Variants in JAKMIP2 observed in about 807,000 individuals in gnomAD.
JAKMIP2 encodes the protein janus kinase and microtubule-interacting protein 2.
Under a neutral mutation model 115.0 loss-of-function variants are expected in JAKMIP2, and 25 were observed. The observed-to-expected ratio is 0.22, with a 90% CI of 0.16 to 0.30. The LOEUF is 0.30. JAKMIP2 is among the 10% of genes least tolerant of loss of function. The pLI is 1.00. For missense variants in JAKMIP2, 642 were observed against 957.6 expected (o/e 0.67, Z 4.35); for synonymous variants, 334 against 343.6 (o/e 0.97, Z 0.31).
At chr5:147,615,030 T>C (rs1452772006) in intron 19 of JAKMIP2, among the ~76,000 whole-genome samples, 1 of 152,196 alleles carries the variant, frequency 6.6e-6, no homozygotes, top group East Asian at 1.9e-4. Flanking sequence ...CGTTTCTGCA[T>C]AGCACTTATT....
At chr5:147,653,114 T>C (rs567763158) in intron 3 of JAKMIP2, among the ~76,000 whole-genome samples, 1 of 152,326 alleles carries the variant, frequency 6.6e-6, no homozygotes, top group African/African-American at 2.4e-5. Context: ...ATATAATTGA[T>C]GGGCATTTGG....
At chr5:147,739,866 T>G (rs1561569860) in intron 1 of JAKMIP2, among the ~76,000 whole-genome samples, 1 of 152,106 alleles carries the variant, frequency 6.6e-6, no homozygotes, top group Non-Finnish European at 1.5e-5. Flanking sequence ...ATTGCAGGAC[T>G]TTCTAGACTG....
chr5:147,626,347 C>CA (rs1296660929), intron 16 of JAKMIP2, among the ~76,000 whole-genome samples: 1 of 152,054 alleles, frequency 6.6e-6, no homozygotes, highest in Non-Finnish European at 1.5e-5. Flanking sequence ...ACCTTTCTTG[C>CA]AAAAAAAGTA....
intron 1 of JAKMIP2, among the ~76,000 whole-genome samples, chr5:147,762,556 C>T (rs1045273440): frequency 6.6e-6 from 1 of 151,930 alleles, no homozygotes; most frequent in Non-Finnish European, 1.5e-5. Flanking sequence ...CTCACATGGC[C>T]TTTTCTCTGT....
At chr5:147,733,345 C>T (rs1054217472) in intron 1 of JAKMIP2, among the ~76,000 whole-genome samples, 2 of 152,224 alleles carry the variant, frequency 1.3e-5, no homozygotes, top group Admixed American at 1.3e-4. Context: ...TGTTACTGAG[C>T]TGCCTCATTC....
intron 20 of JAKMIP2, 23 bp downstream of exon 20, chr5:147,612,283 T>G: frequency 7.3e-7 from 1 of 1,365,342 alleles, no homozygotes; most frequent in Non-Finnish European, 1.0e-6. Context: ...AATAATAAGA[T>G]AGTTATTGAA....
chr5:147,610,640 C>G (rs1756268234), intron 20 of JAKMIP2, among the ~76,000 whole-genome samples: 1 of 152,168 alleles, frequency 6.6e-6, no homozygotes, highest in Admixed American at 6.5e-5. Flanking sequence ...GAGGTATCTC[C>G]CAGTCAGGAG....
intron 1 of JAKMIP2, among the ~76,000 whole-genome samples, chr5:147,780,581 C>T (rs1404395177): frequency 6.6e-6 from 1 of 152,206 alleles, no homozygotes; most frequent in East Asian, 1.9e-4. Flanking sequence ...CCTTGCCCTA[C>T]TTCATATAGT....
chr5:147,720,054 A>G lies in JAKMIP2; in HGVS notation c.-148-48100T>C, dbSNP rs1753200937. On this transcript the variant is annotated intron_variant, in intron 1 of 21. Coordinates refer to ENST00000616793, the MANE Select transcript of JAKMIP2 (RefSeq NM_001270941.2). Reference sequence around the variant, plus strand: ...TTTAGGGCAGGCCTGGTGGTGACAAACTCTCTCAGCATTTGCTTGTCTGTA... The same window carrying G: ...TTTAGGGCAGGCCTGGTGGTGACAAGCTCTCTCAGCATTTGCTTGTCTGTA... Among the ~76,000 whole-genome samples, 7 of 150,314 alleles carry G rather than the reference A, an allele frequency of 4.7e-5. No individual in the cohort carries two copies. In the South Asian group the frequency reaches 1.5e-3, roughly 32 times the overall value.
chr5:147,666,954 C>T (rs1759330856), intron 2 of JAKMIP2, among the ~76,000 whole-genome samples: 1 of 151,976 alleles, frequency 6.6e-6, no homozygotes. Context: ...TACACTATTA[C>T]ATTAATACCA....
intron 5 of JAKMIP2, among the ~76,000 whole-genome samples, chr5:147,645,621 C>T (rs1264831446): frequency 6.6e-6 from 1 of 152,122 alleles, no homozygotes; most frequent in African/African-American, 2.4e-5. Context: ...GTATTGTTAT[C>T]CACCCATAAT....
At chr5:147,594,254 C>G (rs1755239280) in intron 21 of JAKMIP2, 1 of 240,412 alleles carries the variant, frequency 4.2e-6, no homozygotes, top group South Asian at 4.5e-5. Context: ...GGTTGCATAA[C>G]AGTGCTACAA....
intron 10 of JAKMIP2, among the ~76,000 whole-genome samples, chr5:147,637,412 C>T (rs1159724053): frequency 1.4e-5 from 2 of 146,942 alleles, no homozygotes; most frequent in Non-Finnish European, 3.0e-5. Flanking sequence ...AGCCTTGTTC[C>T]ATTTTGCCTC....
chr5:147,628,718 G>C (rs777398128), intron 16 of JAKMIP2, 33 bp downstream of exon 16: 5 of 1,566,328 alleles, frequency 3.2e-6, no homozygotes, highest in Non-Finnish European at 4.4e-6. Flanking sequence ...GCCAGACACC[G>C]AGATGATTTG....
chr5:147,593,343 T>C (rs549524428), intron 21 of JAKMIP2, among the ~76,000 whole-genome samples: 37 of 152,342 alleles, frequency 2.4e-4, no homozygotes, highest in African/African-American at 8.2e-4. Context: ...TTGCCCAGAA[T>C]GGCCAGCCTT....
intron 2 of JAKMIP2, among the ~76,000 whole-genome samples, chr5:147,670,823 A>G (rs78414050): frequency 0.077 from 11,767 of 152,222 alleles, 614 homozygotes; most frequent in Admixed American, 0.14. Context: ...ACAAATACAT[A>G]TTGAGATTTT....
intron 1 of JAKMIP2, among the ~76,000 whole-genome samples, chr5:147,782,203 G>A (rs1755784146): frequency 6.6e-6 from 1 of 152,006 alleles, no homozygotes; most frequent in Non-Finnish European, 1.5e-5. Flanking sequence ...GCACCAAGTG[G>A]CTCAGTCTGC....
At chr5:147,684,145 C>G (rs190462296) in intron 1 of JAKMIP2, among the ~76,000 whole-genome samples, 2 of 152,084 alleles carry the variant, frequency 1.3e-5, no homozygotes, top group African/African-American at 4.8e-5. Context: ...GTCAACGTAT[C>G]CACATAGGCC....
At position 147,624,691 on chromosome 5, in the gene JAKMIP2, A is replaced by G. The variant is rs574325768; in HGVS notation, c.1996-1002T>C. On this transcript the variant is annotated intron_variant, in intron 16 of 21. Transcript: ENST00000616793. Reference sequence around the variant, plus strand: ...AGGTTTTTATAGAACAAATTATTATAATGAATCTCTAGCAAGTTAAATGTC... The same window carrying G: ...AGGTTTTTATAGAACAAATTATTATGATGAATCTCTAGCAAGTTAAATGTC... Among the ~76,000 whole-genome samples the G allele has an allele frequency of 7.9e-5, 12 of 152,322 alleles. No homozygotes were observed. The South Asian group carries it at 2.5e-3, about 32-fold the overall frequency.
Sources: gnomAD v4.1 joint callset for allele counts (sites outside exome capture counted in the v4.1 genomes callset) on GRCh38, gnomAD v4.1.1 for gene constraint, MANE v1.5 for transcripts, NCBI Gene and HGNC (gene_info 2026-07-23, HGNC 2026-07-21) for gene names.